IL34: variants seen among roughly 807,000 people sequenced by gnomAD.
IL34 encodes interleukin-34.
IL34 carries 17 observed loss-of-function variants against 25.3 expected under a neutral mutation model. The ratio of observed to expected loss-of-function variants is 0.67; its 90% CI spans 0.46 to 1.01. The LOEUF is 1.01. IL34 is among the 50% of genes least tolerant of loss of function. The probability of loss-of-function intolerance (pLI) is 0.00; values close to 1 mark genes in which losing one functional copy is unlikely to be tolerated. For synonymous variants in IL34, 174 were observed against 140.9 expected (o/e 1.23, Z -1.66); for missense variants, 368 against 312.9 (o/e 1.18, Z -1.33).
At chr16:70,608,210 C>T (rs370535617) in intron 1 of IL34, among the ~76,000 whole-genome samples, 2 of 149,362 alleles carry the variant, frequency 1.3e-5, no homozygotes, top group Non-Finnish European at 3.0e-5. Flanking sequence ...CTCACTGCAA[C>T]CTCTGACTCC....
chr16:70,586,053 C>G (rs1229293244), intron 1 of IL34, among the ~76,000 whole-genome samples: 1 of 150,780 alleles, frequency 6.6e-6, no homozygotes. Context: ...AGGATGGTCT[C>G]GATCTCCTGA....
At chr16:70,600,646 T>G (rs2050900851) in intron 1 of IL34, among the ~76,000 whole-genome samples, 1 of 152,210 alleles carries the variant, frequency 6.6e-6, no homozygotes, top group Non-Finnish European at 1.5e-5. Flanking sequence ...TCTTTCTCAA[T>G]GGTGCATAAA....
chr16:70,623,814 G>A (rs1253258175), intron 1 of IL34, among the ~76,000 whole-genome samples: 1 of 150,974 alleles, frequency 6.6e-6, no homozygotes, highest in African/African-American at 2.5e-5. Flanking sequence ...GTGCTTAAAA[G>A]AGTATCATCT....
In IL34 at chr16:70,619,543, G is replaced by A. The variant is rs1022084525; in HGVS notation, c.-400-27005G>A. On this transcript the variant is annotated intron_variant, in intron 1 of 6. Coordinates refer to the IL34 transcript ENST00000429149. ...TTTTAAGAGGTTTAGAAGCCTGGCC[G>A]TCAATACCCACAACAGTTATGGAGG... is the stretch of plus-strand genomic sequence containing the variant. 4.6e-5 allele frequency among the ~76,000 whole-genome samples: 7 copies of A among 151,744 alleles called. No homozygotes were observed. The South Asian group carries it at 6.2e-4, about 13-fold the overall frequency.
chr16:70,636,980 T>A (rs2051668148), intron 1 of IL34, among the ~76,000 whole-genome samples: 1 of 151,784 alleles, frequency 6.6e-6, no homozygotes, highest in African/African-American at 2.4e-5. Context: ...CCCAGGTTCA[T>A]GCCATTCTCC....
chr16:70,657,122 G>T lies in IL34; in HGVS notation c.402+1G>T. The T allele has an allele frequency of 6.2e-7, 1 of 1,612,240 alleles. No individual in the cohort carries two copies. The highest frequency in any genetic ancestry group is 8.5e-7 in the Non-Finnish European group (1 of 1,179,494). On this transcript the variant is annotated splice_donor_variant, in intron 4 of 5. Coordinates refer to ENST00000288098, the MANE Select transcript of IL34 (RefSeq NM_001393494.1). LOFTEE classifies it high-confidence loss of function. ...GCTGAATGTCCAGCAGGGCCTCACG[G>T]TGAGTTGTGTGGAGGAGTGGCAGGT... is the stretch of plus-strand genomic sequence containing the variant.
intron 1 of IL34, among the ~76,000 whole-genome samples, chr16:70,640,454 T>C (rs886625723): frequency 2.0e-5 from 3 of 151,918 alleles, no homozygotes; most frequent in African/African-American, 7.3e-5. Context: ...TGAAACCCTG[T>C]CTCTACTAAA....
At chr16:70,603,008 T>C (rs2050941694) in intron 1 of IL34, among the ~76,000 whole-genome samples, 1 of 152,098 alleles carries the variant, frequency 6.6e-6, no homozygotes, top group South Asian at 2.1e-4. Context: ...ACCCCAGCCC[T>C]GAGTGGGAGC....
At chr16:70,656,700 T>TG in intron 3 of IL34, 21 bp downstream of exon 3, 8 of 1,174,758 alleles carry the variant, frequency 6.8e-6, no homozygotes, top group Non-Finnish European at 1.0e-5. Context: ...CTTCCTGGGC[T>TG]GGGGGGACCC....
chr16:70,624,810 G>T (rs559128245), intron 1 of IL34, among the ~76,000 whole-genome samples: 3 of 151,904 alleles, frequency 2.0e-5, no homozygotes, highest in African/African-American at 7.3e-5. Flanking sequence ...AGGAAGAATT[G>T]GGACCTAGCT....
At chr16:70,650,923 C>T (rs144812616) in intron 1 of IL34, among the ~76,000 whole-genome samples, 5 of 152,270 alleles carry the variant, frequency 3.3e-5, no homozygotes, top group East Asian at 3.9e-4. Context: ...TGTTTAACTG[C>T]GTTATGGATT....
intron 1 of IL34, 52 bp downstream of exon 1, chr16:70,647,027 T>A (rs540011631): frequency 7.1e-7 from 1 of 1,407,592 alleles, no homozygotes. Flanking sequence ...TTGGCCTAGA[T>A]CCAGGATCTG....
At chr16:70,588,207 C>T (rs1411703348) in intron 1 of IL34, among the ~76,000 whole-genome samples, 2 of 151,896 alleles carry the variant, frequency 1.3e-5, no homozygotes, top group Non-Finnish European at 2.9e-5. Flanking sequence ...AAGTAGAGGC[C>T]GGGTGCGGTG....
At chr16:70,643,449 C>G (rs1310338786), upstream of IL34, among the ~76,000 whole-genome samples, 2 of 152,224 alleles carry the variant, frequency 1.3e-5, no homozygotes, top group African/African-American at 4.8e-5. Context: ...TGGTTCACTG[C>G]AGCCTTGACC....
rs370929623 is a variant in IL34 at position 70,630,248 on chromosome 16, A to AT, written c.-400-16292dup. Among the ~76,000 whole-genome samples the AT allele has an allele frequency of 2.3e-3, 341 of 151,404 alleles. 1 individual carries two copies. The highest frequency in any genetic ancestry group is 7.4e-3 in the African/African-American group (306 of 41,234). On this transcript the variant is annotated intron_variant, in intron 1 of 6. Transcript: ENST00000429149. The stretch of plus-strand genomic sequence containing the variant: ...CATTTTCTTTCCTTCTTTCTTTTTA[A>AT]TTTTTTTTGGAGATGGAGTCTCTCT...
intron 2 of IL34, 99 bp from the exon 3 acceptor site, chr16:70,656,503 A>G (rs1374049063): frequency 6.3e-6 from 5 of 797,046 alleles, no homozygotes; most frequent in Non-Finnish European, 1.1e-5. Flanking sequence ...TGGGTGACAG[A>G]GTGAGACTAA....
chr16:70,636,629 A>ACACACACACACAC (rs1567456721), intron 1 of IL34, among the ~76,000 whole-genome samples: 2 of 143,970 alleles, frequency 1.4e-5, no homozygotes, highest in Admixed American at 6.9e-5. Flanking sequence ...ACACACACAC[A>ACACACACACACAC]AAATTAGCTG....
intron 1 of IL34, among the ~76,000 whole-genome samples, chr16:70,637,429 AC>A (rs1255788431): frequency 6.6e-6 from 1 of 151,724 alleles, no homozygotes; most frequent in Non-Finnish European, 1.5e-5. Flanking sequence ...GCTCACTGCA[AC>A]CTCTGCCTCT....
At chr16:70,632,032 G>C (rs1339642106) in intron 1 of IL34, among the ~76,000 whole-genome samples, 1 of 151,614 alleles carries the variant, frequency 6.6e-6, no homozygotes, top group African/African-American at 2.4e-5. Flanking sequence ...GCCTGGGGAG[G>C]TCAAGGCTGC....
Sources: gnomAD v4.1 joint callset for allele counts (sites outside exome capture counted in the v4.1 genomes callset) on GRCh38, gnomAD v4.1.1 for gene constraint, MANE v1.5 for transcripts, NCBI Gene and HGNC (gene_info 2026-07-23, HGNC 2026-07-21) for gene names.